The following CYREN variants were observed in gnomAD, a reference collection of about 807,000 sequenced individuals.
The protein encoded by CYREN is cell cycle regulator of NHEJ, also known as cell cycle regulator of non-homologous end joining.
A neutral mutation model predicts 9.7 loss-of-function variants in CYREN; 7 were observed. That is an observed-to-expected ratio of 0.72 (90% confidence interval 0.41 to 1.36). The LOEUF is 1.36. Among genes scored for constraint, CYREN ranks in the 40% most tolerant of loss-of-function variants. The pLI, the probability that CYREN is intolerant of heterozygous loss-of-function variation, is 0.01. For synonymous variants in CYREN, 76 were observed against 77.9 expected (o/e 0.98, Z 0.13); for missense variants, 215 against 198.1 (o/e 1.09, Z -0.51).
chr7:135,104,960 G>T (rs1157196284), intron 2 of CYREN, among the ~76,000 whole-genome samples: 1 of 151,270 alleles, frequency 6.6e-6, no homozygotes, highest in African/African-American at 2.4e-5. Flanking sequence ...TGCTTTTGTT[G>T]TGATTGCTTT....
At chr7:135,130,939 G>A (rs1198740631) in intron 2 of CYREN, among the ~76,000 whole-genome samples, 4 of 152,128 alleles carry the variant, frequency 2.6e-5, no homozygotes, top group African/African-American at 9.7e-5. Context: ...TTTTGGAAAA[G>A]AGAACAGAAA....
At position 135,166,557 on chromosome 7, in the gene CYREN, G is replaced by C; in HGVS notation, c.*54C>G. On this transcript the variant is annotated 3_prime_UTR_variant, in exon 4 of 4. Coordinates refer to ENST00000393114, the MANE Select transcript of CYREN (RefSeq NM_024033.4). Reference sequence around the variant, plus strand: ...GGGCGGCCCAGCAGCACCAGTGGAAGCTCAGCTGTCCTCCAGCTGCTCTCG... The same window carrying C: ...GGGCGGCCCAGCAGCACCAGTGGAACCTCAGCTGTCCTCCAGCTGCTCTCG... 1 of 1,523,914 alleles carries C rather than the reference G, an allele frequency of 6.6e-7. No individual in the cohort carries two copies. 94.4% of individuals were successfully genotyped at this position (1,523,914 alleles called of 1,614,324 possible).
rs1350640474 is a variant in CYREN at position 135,112,800 on chromosome 7, G to A, written n.357-18218C>T. ...TTTATTTTTATTTTTTTGAGATGGAGTATTGATTGCTCTGTCACACAGGCT... is the reference window on the plus strand; with the variant it reads ...TTTATTTTTATTTTTTTGAGATGGAATATTGATTGCTCTGTCACACAGGCT... On this transcript the variant is annotated intron_variant and non_coding_transcript_variant, in intron 2 of 2. Transcript: ENST00000459937. Among the ~76,000 whole-genome samples, 4 of 152,246 alleles carry A rather than the reference G, an allele frequency of 2.6e-5. No homozygotes were observed. In the East Asian group the frequency reaches 7.7e-4, roughly 29 times the overall value.
rs1585282261 is a variant in CYREN at position 135,128,618 on chromosome 7, T to C, written n.357-34036A>G. On this transcript the variant is annotated intron_variant and non_coding_transcript_variant, in intron 2 of 2. Coordinates refer to the CYREN transcript ENST00000459937. ...TATCTGCTCTATGGGAAGAACACCC[T>C]GGCAGCGTGATCCCGTTTGCCTGGA... 4 of 791,476 alleles carry C rather than the reference T, an allele frequency of 5.1e-6. No homozygotes were observed. The East Asian group carries it at 9.7e-5, about 19-fold the overall frequency. The allele number at this position is 791,476 out of a possible 1,614,324, so 49.0% of individuals were successfully genotyped here. A position where few individuals can be genotyped will look rare whatever the true frequency, so the allele number is the denominator to read the frequency against.
chr7:135,120,093 A>T (rs2117233334), intron 2 of CYREN, among the ~76,000 whole-genome samples: 1 of 152,354 alleles, frequency 6.6e-6, no homozygotes, highest in East Asian at 1.9e-4. Context: ...AGAATTTTTC[A>T]CCAGAAGACT....
downstream of CYREN, among the ~76,000 whole-genome samples, chr7:135,163,426 G>C (rs2117471115): frequency 6.6e-6 from 1 of 152,272 alleles, no homozygotes. Context: ...TGGATCATTT[G>C]AGGTCAGGAG....
chr7:135,104,686 T>A (rs117171012), intron 2 of CYREN, among the ~76,000 whole-genome samples: 1,576 of 152,338 alleles, frequency 0.01, 19 homozygotes, highest in Non-Finnish European at 0.016. Flanking sequence ...TCAGTGATAT[T>A]GAGCTTTATT....
chr7:135,172,424 T>C (rs1010800827), upstream of CYREN, among the ~76,000 whole-genome samples: 3 of 151,006 alleles, frequency 2.0e-5, no homozygotes, highest in Non-Finnish European at 4.4e-5. Context: ...TCTTTACCTG[T>C]TCTTTGTCTT....
At chr7:135,092,335 A>G (rs1384884572), downstream of CYREN, 1 of 152,330 alleles carries the variant, frequency 6.6e-6, no homozygotes, top group Non-Finnish European at 1.5e-5. Context: ...TATTCTGAAT[A>G]TAGCTACATA....
intron 2 of CYREN, among the ~76,000 whole-genome samples, chr7:135,117,074 C>T (rs1826424627): frequency 6.6e-6 from 1 of 152,170 alleles, no homozygotes; most frequent in South Asian, 2.1e-4. Flanking sequence ...TATGTAATGT[C>T]CAGGATTTGT....
At chr7:135,154,882 A>G (rs1163758616) in intron 2 of CYREN, among the ~76,000 whole-genome samples, 1 of 152,154 alleles carries the variant, frequency 6.6e-6, no homozygotes, top group Non-Finnish European at 1.5e-5. Context: ...TTTAAGTACA[A>G]TGTTTCTTTG....
chr7:135,170,331 G>A, intron 1 of CYREN: 1 of 152,460 alleles, frequency 6.6e-6, no homozygotes, highest in East Asian at 1.9e-4. Flanking sequence ...CCGCGGGAAC[G>A]CGATGTGCTG....
chr7:135,152,386 G>T (rs563160735), intron 2 of CYREN, among the ~76,000 whole-genome samples: 1 of 152,326 alleles, frequency 6.6e-6, no homozygotes, highest in African/African-American at 2.4e-5. Context: ...CCAGTTAGAG[G>T]TAGATCCTCA....
intron 2 of CYREN, among the ~76,000 whole-genome samples, chr7:135,101,628 T>C (rs1208888340): frequency 6.6e-6 from 1 of 152,204 alleles, no homozygotes; most frequent in East Asian, 1.9e-4. Context: ...GGGTTTTCAG[T>C]TGAAAACCAT....
chr7:135,147,213 T>C (rs1165351387), intron 2 of CYREN, among the ~76,000 whole-genome samples: 2 of 152,210 alleles, frequency 1.3e-5, no homozygotes, highest in East Asian at 1.9e-4. Context: ...AATTTGCTAG[T>C]ATGTAGCAGA....
At chr7:135,164,508 G>C (rs531188379), downstream of CYREN, 765 of 1,613,446 alleles carry the variant, frequency 4.7e-4, 12 homozygotes, top group South Asian at 8.1e-3. Flanking sequence ...CCTCGTGATT[G>C]TGGTCATCTG....
chr7:135,168,305 C>CCCCCA (rs1830371284), intron 2 of CYREN: 1 of 87,840 alleles, frequency 1.1e-5, no homozygotes, highest in Admixed American at 1.0e-4. Flanking sequence ...CCCCCCCGCC[C>CCCCCA]CCCCCCGGCA....
At chr7:135,148,089 G>T in intron 2 of CYREN, 1 of 456,176 alleles carries the variant, frequency 2.2e-6, no homozygotes. Flanking sequence ...TGTTTACTAG[G>T]CACGACTGCG....
chr7:135,122,149 G>A (rs1054569793), intron 2 of CYREN, among the ~76,000 whole-genome samples: 4 of 152,186 alleles, frequency 2.6e-5, no homozygotes, highest in Non-Finnish European at 5.9e-5. Flanking sequence ...CCTGGGTGGT[G>A]GAAGGGCATC....
Sources: allele counts gnomAD v4.1 joint callset (sites outside exome capture counted in the v4.1 genomes callset), GRCh38; gene constraint gnomAD v4.1.1; transcripts MANE v1.5; gene names NCBI Gene and HGNC (gene_info 2026-07-23, HGNC 2026-07-21).